The following CCNT2 variants were observed in gnomAD, a reference collection of about 807,000 sequenced individuals.
The protein encoded by CCNT2 is cyclin T2.
A neutral mutation model predicts 70.0 loss-of-function variants in CCNT2; 18 were observed. The observed-to-expected ratio is 0.26, with a 90% CI of 0.18 to 0.38. CCNT2 has a LOEUF of 0.38. CCNT2 is among the 10% of genes least tolerant of loss of function. The pLI, the probability that CCNT2 is intolerant of heterozygous loss-of-function variation, is 1.00. For missense variants in CCNT2, 734 were observed against 890.2 expected (o/e 0.82, Z 2.23); for synonymous variants, 334 against 313.3 (o/e 1.07, Z -0.70).
chr2:134,947,669 A>C (rs1201958269), intron 6 of CCNT2, 67 bp from the exon 7 acceptor site: 6 of 1,217,124 alleles, frequency 4.9e-6, no homozygotes, highest in African/African-American at 1.5e-5. Context: ...TTACTGGTAA[A>C]TGTTTTTCTT....
Position 134,954,507 on chromosome 2 carries a change from C to G in CCNT2, c.2052C>G (p.Leu684=), listed in dbSNP as rs770601392. ...YQVGYGHLST[L]VKLDKKPVET... is the part of the protein sequence containing the mutation. ...TGGGCTACGGACATCTCAGCACCCTCGTGAAACTGGACAAGAAGCCAGTGG... is the reference window on the plus strand; with the variant it reads ...TGGGCTACGGACATCTCAGCACCCTGGTGAAACTGGACAAGAAGCCAGTGG... Residue 684 remains leucine (L), a synonymous_variant, in exon 9 of 9, where the codon CTC becomes CTG. Transcript: ENST00000264157. The G allele has an allele frequency of 6.2e-7, 1 of 1,614,118 alleles. No homozygotes were observed. The highest frequency in any genetic ancestry group is 8.5e-7 in the Non-Finnish European group (1 of 1,179,984).
chr2:134,918,947 T>C lies in CCNT2; in HGVS notation c.93T>C (p.Asp31=), dbSNP rs761209997. Residue 31 remains aspartate, a synonymous_variant, in exon 1 of 9, where the codon GAT becomes GAC. Coordinates refer to ENST00000264157, the MANE Select transcript of CCNT2 (RefSeq NM_058241.3). ...TPSRRCGVEA[D]KELSCRQQAA... is the part of the protein sequence containing the mutation. Reference sequence around the variant, plus strand: ...GCCGCCGCTGCGGAGTGGAGGCGGATAAAGAGCTCTCGTGCCGCCAGCAGG... The same window carrying C: ...GCCGCCGCTGCGGAGTGGAGGCGGACAAAGAGCTCTCGTGCCGCCAGCAGG... 1.2e-6 allele frequency: 2 copies of C among 1,613,970 alleles called. No individual in the cohort carries two copies. The highest frequency in any genetic ancestry group is 1.7e-6 in the Non-Finnish European group (2 of 1,179,936).
At chr2:134,934,992 C>T (rs1035903947) in intron 2 of CCNT2, among the ~76,000 whole-genome samples, 5 of 152,158 alleles carry the variant, frequency 3.3e-5, no homozygotes, top group African/African-American at 7.2e-5. Context: ...TGGGCATCAG[C>T]TCTCAGATTT....
intron 4 of CCNT2, among the ~76,000 whole-genome samples, chr2:134,939,761 C>A (rs190165619): frequency 6.6e-6 from 1 of 152,080 alleles, no homozygotes; most frequent in Non-Finnish European, 1.5e-5. Flanking sequence ...TCACCACGCC[C>A]GGCCTATCAT....
At chr2:134,920,912 T>C (rs1679850995) in intron 2 of CCNT2, among the ~76,000 whole-genome samples, 1 of 152,244 alleles carries the variant, frequency 6.6e-6, no homozygotes, top group Admixed American at 6.5e-5. Context: ...TCGGATCCTA[T>C]TTCATTTATC....
chr2:134,944,283 C>T (rs1226894904), intron 5 of CCNT2: 2 of 983,448 alleles, frequency 2.0e-6, no homozygotes, highest in Admixed American at 6.2e-5. Flanking sequence ...TTAAGCTAAA[C>T]TTTGTAAGCA....
intron 5 of CCNT2, chr2:134,943,651 A>G (rs1476631367): frequency 1.0e-6 from 1 of 984,304 alleles, no homozygotes; most frequent in Non-Finnish European, 1.2e-6. Flanking sequence ...AGTATCTGAT[A>G]CAGCATTTTC....
Position 134,947,708 on chromosome 2 carries a change from C to G in CCNT2, c.540-28C>G, listed in dbSNP as rs770227922. ...TTTACATACTTGAATTTTTATGGCT[C>G]TCCATTTTCAAACCTGCTCTGCAAC... On this transcript the variant is annotated intron_variant, in intron 6 of 8. Coordinates refer to ENST00000264157, the MANE Select transcript of CCNT2 (RefSeq NM_058241.3). The G allele has an allele frequency of 1.8e-5, 25 of 1,396,918 alleles. No individual in the cohort carries two copies. In the South Asian group the frequency reaches 4.5e-4, roughly 25 times the overall value. 86.5% of individuals were successfully genotyped at this position (1,396,918 alleles called of 1,614,324 possible).
chr2:134,932,142 A>T (rs1404251399), intron 2 of CCNT2, among the ~76,000 whole-genome samples: 2 of 151,348 alleles, frequency 1.3e-5, no homozygotes, highest in Non-Finnish European at 2.9e-5. Context: ...GTGCCACCAT[A>T]CCTGGCTAAT....
chr2:134,934,620 T>G lies in CCNT2; in HGVS notation c.241-2221T>G, dbSNP rs1681019312. ...TATCTAAAAAGGTGTTTTGTTTTGT[T>G]TTTACAGCCTTGATGGAGGAAAATA... is the stretch of plus-strand genomic sequence containing the variant. On this transcript the variant is annotated intron_variant, in intron 2 of 8. Transcript: ENST00000264157. Among the ~76,000 whole-genome samples, 2 of 152,240 alleles carry G rather than the reference T, an allele frequency of 1.3e-5. 1 individual carries two copies. Among genetic ancestry groups the G allele is most frequent in the Admixed American group, 1.3e-4 (2 of 15,286 alleles).
At chr2:134,948,674 G>A (rs948294736) in intron 7 of CCNT2, among the ~76,000 whole-genome samples, 1 of 151,734 alleles carries the variant, frequency 6.6e-6, no homozygotes, top group African/African-American at 2.4e-5. Context: ...TGGGATTAGG[G>A]CATTTTAACC....
At chr2:134,919,658 C>G in intron 1 of CCNT2, 152 bp from the exon 2 acceptor site, 1 of 590,020 alleles carries the variant, frequency 1.7e-6, no homozygotes, top group Non-Finnish European at 3.0e-6. Context: ...TCCTGCCGCC[C>G]CACCCCCCGC....
chr2:134,935,350 T>C (rs536250941), intron 2 of CCNT2, among the ~76,000 whole-genome samples: 77 of 152,370 alleles, frequency 5.1e-4, no homozygotes, highest in African/African-American at 1.8e-3. Context: ...AAAGTCATTT[T>C]TACTTCATTT....
At position 134,939,053 on chromosome 2, in the gene CCNT2, C is replaced by G. The variant is rs1681368528; in HGVS notation, c.421C>G (p.Gln141Glu). The change falls in exon 4 of 9, where the codon CAA (glutamine) becomes GAA (glutamate). Residue 141 changes from glutamine (Q) to glutamate (E), a missense_variant. Gln to Glu is a conservative substitution (Grantham distance 29, BLOSUM62 2). Coordinates refer to ENST00000264157, the MANE Select transcript of CCNT2 (RefSeq NM_058241.3). ...ELVILETIML[Q>E]TLGFEITIEH... is the part of the protein sequence containing the mutation. ...GGTTATACTTGAAACCATAATGCTA[C>G]AAACTCTAGGTACGTACTTACATCA... 8 of 1,607,534 alleles carry G rather than the reference C, an allele frequency of 5.0e-6. No individual in the cohort carries two copies. The highest frequency in any genetic ancestry group is 6.8e-6 in the Non-Finnish European group (8 of 1,174,506).
intron 2 of CCNT2, among the ~76,000 whole-genome samples, chr2:134,923,950 T>A (rs1680097406): frequency 6.6e-6 from 1 of 152,248 alleles, no homozygotes; most frequent in Admixed American, 6.5e-5. Flanking sequence ...TTTGCCCGCC[T>A]CATTGCACTA....
chr2:134,955,306 T>C lies in CCNT2; in HGVS notation c.*658T>C, dbSNP rs1252880314. 6.5e-6 allele frequency: 1 copy of C among 153,022 alleles called. No homozygotes were observed. Among genetic ancestry groups the C allele is most frequent in the East Asian group, 1.9e-4 (1 of 5,206 alleles). The allele number at this position is 153,022 out of a possible 1,614,324, so 9.5% of individuals were successfully genotyped here. Reference sequence around the variant, plus strand: ...TCTAGGCCTTACTGGAAGCCACTGATAGGGGACACTTCACTACCAGATGTG... The same window carrying C: ...TCTAGGCCTTACTGGAAGCCACTGACAGGGGACACTTCACTACCAGATGTG... On this transcript the variant is annotated 3_prime_UTR_variant, in exon 9 of 9. Coordinates refer to ENST00000264157, the MANE Select transcript of CCNT2 (RefSeq NM_058241.3).
chr2:134,939,019 T>G lies in CCNT2; in HGVS notation c.387T>G (p.Thr129=). ...TCTGACAGGCTTACCTTCAACAGAC[T>G]CAAGAACTGGTTATACTTGAAACCA... The part of the protein sequence containing the change: ...DTKCDAYLQQ[T]QELVILETIM... Residue 129 remains threonine (T), a synonymous_variant, in exon 4 of 9, where the codon ACT becomes ACG. Coordinates refer to ENST00000264157, the MANE Select transcript of CCNT2 (RefSeq NM_058241.3). 3.7e-6 allele frequency: 6 copies of G among 1,609,688 alleles called. No individual in the cohort carries two copies. The highest frequency in any genetic ancestry group is 5.1e-6 in the Non-Finnish European group (6 of 1,176,448).
At chr2:134,920,916 A>G (rs1285378744) in intron 2 of CCNT2, among the ~76,000 whole-genome samples, 2 of 152,214 alleles carry the variant, frequency 1.3e-5, no homozygotes, top group Non-Finnish European at 1.5e-5. Flanking sequence ...ATCCTATTTC[A>G]TTTATCAGTT....
chr2:134,958,508 A>T lies in CCNT2; in HGVS notation c.*3860A>T, dbSNP rs185296854. 1.4e-4 allele frequency: 21 copies of T among 152,330 alleles called. No individual in the cohort carries two copies. Among genetic ancestry groups the T allele is most frequent in the Middle Eastern group, 3.4e-3 (1 of 294 alleles). The allele number at this position is 152,330 out of a possible 1,614,324, so 9.4% of individuals were successfully genotyped here. A position where few individuals can be genotyped will look rare whatever the true frequency, so the allele number is the denominator to read the frequency against. ...TGTGCCCTAAGATGGACTTATTTAG[A>T]TAGGGATTTTTGCATTGGAAAAGCA... is the stretch of plus-strand genomic sequence containing the variant. On this transcript the variant is annotated 3_prime_UTR_variant, in exon 9 of 9. Coordinates refer to ENST00000264157, the MANE Select transcript of CCNT2 (RefSeq NM_058241.3).
Sources: gnomAD v4.1 joint callset for allele counts (sites outside exome capture counted in the v4.1 genomes callset) on GRCh38, gnomAD v4.1.1 for gene constraint, MANE v1.5 for transcripts, NCBI Gene and HGNC (gene_info 2026-07-23, HGNC 2026-07-21) for gene names.